PITPNA: variants seen among roughly 807,000 people sequenced by gnomAD.
The protein encoded by PITPNA is phosphatidylinositol transfer protein alpha, also known as phosphatidylinositol transfer protein alpha isoform.
PITPNA carries 13 observed loss-of-function variants against 50.3 expected under a neutral mutation model. The observed-to-expected ratio is 0.26, with a 90% CI of 0.17 to 0.41. The LOEUF (loss-of-function observed/expected upper bound fraction) is 0.41. Ranked by LOEUF, PITPNA falls within the 10% of genes least tolerant of loss-of-function variation. PITPNA has a pLI of 1.00. For synonymous variants in PITPNA, 120 were observed against 119.6 expected (o/e 1.00, Z -0.02); for missense variants, 207 against 333.4 (o/e 0.62, Z 2.95).
chr17:1,558,463 G>T (rs367648713), intron 2 of PITPNA, 66 bp downstream of exon 2: 5 of 974,368 alleles, frequency 5.1e-6, no homozygotes, highest in Non-Finnish European at 8.3e-6. Flanking sequence ...ACCACTCAGA[G>T]CCCAGCTTAG....
At chr17:1,552,972 C>A (rs773275038) in intron 3 of PITPNA, 32 bp downstream of exon 3, 6 of 1,609,938 alleles carry the variant, frequency 3.7e-6, no homozygotes, top group Non-Finnish European at 5.1e-6. Flanking sequence ...ACACAAAAGC[C>A]AGCATCCGGC....
intron 3 of PITPNA, among the ~76,000 whole-genome samples, chr17:1,550,215 T>C (rs1598411936): frequency 6.6e-6 from 1 of 150,744 alleles, no homozygotes; most frequent in South Asian, 2.1e-4. Flanking sequence ...CCTCAAGGAG[T>C]TTCCGGTCTA....
In PITPNA at chr17:1,547,014, A is replaced by C. The variant is rs145466995; in HGVS notation, c.289+1282T>G. Among the ~76,000 whole-genome samples the C allele has an allele frequency of 2.6e-4, 39 of 152,250 alleles. No individual in the cohort carries two copies. The East Asian group carries it at 7.5e-3, about 29-fold the overall frequency. On this transcript the variant is annotated intron_variant, in intron 4 of 11. Transcript: ENST00000313486. ...TAAATTAAAAAACAAAACAAAACAA[A>C]ACACCAGACACCTTAGTGACAAGGA...
At chr17:1,531,582 T>C (rs2075583913) in intron 10 of PITPNA, among the ~76,000 whole-genome samples, 1 of 151,678 alleles carries the variant, frequency 6.6e-6, no homozygotes, top group Non-Finnish European at 1.5e-5. Context: ...GCCTGGGAGT[T>C]TGAGGCTGCA....
intron 2 of PITPNA, 22 bp from the exon 3 acceptor site, chr17:1,553,171 T>C (rs1189579295): frequency 6.2e-7 from 1 of 1,613,394 alleles, no homozygotes; most frequent in South Asian, 1.1e-5. Flanking sequence ...AGACAGATGT[T>C]ATTCTCAACA....
intron 3 of PITPNA, among the ~76,000 whole-genome samples, chr17:1,552,672 GA>G (rs1399380496): frequency 1.3e-5 from 2 of 152,164 alleles, no homozygotes; most frequent in Non-Finnish European, 2.9e-5. Context: ...TAGGCATCTG[GA>G]AATGACTAGA....
intron 6 of PITPNA, among the ~76,000 whole-genome samples, chr17:1,539,876 A>T (rs2075639711): frequency 6.6e-6 from 1 of 152,244 alleles, no homozygotes; most frequent in African/African-American, 2.4e-5. Context: ...ATCTGGGATT[A>T]CAGGCGTGGG....
At chr17:1,554,534 G>A (rs1184281095) in intron 2 of PITPNA, among the ~76,000 whole-genome samples, 1 of 151,784 alleles carries the variant, frequency 6.6e-6, no homozygotes, top group African/African-American at 2.4e-5. Context: ...TGGGATTACA[G>A]GGACTGGGTT....
intron 10 of PITPNA, 103 bp downstream of exon 10, chr17:1,533,996 C>T (rs897381373): frequency 3.4e-5 from 46 of 1,366,640 alleles, no homozygotes; most frequent in Non-Finnish European, 4.5e-5. Context: ...CTGACGTGTT[C>T]CCAGAACTAC....
chr17:1,554,712 CAA>C (rs2075726838), intron 2 of PITPNA, among the ~76,000 whole-genome samples: 1 of 152,022 alleles, frequency 6.6e-6, no homozygotes, highest in Non-Finnish European at 1.5e-5. Flanking sequence ...AATTTCTGGG[CAA>C]AATCTGGAAA....
At chr17:1,544,627 A>C (rs531974639) in intron 4 of PITPNA, among the ~76,000 whole-genome samples, 1 of 152,314 alleles carries the variant, frequency 6.6e-6, no homozygotes, top group Non-Finnish European at 1.5e-5. Context: ...TCCAAATGAG[A>C]CTAATAAGGC....
chr17:1,521,787 A>C (rs1217114183), intron 10 of PITPNA, 142 bp from the exon 11 acceptor site: 4 of 677,856 alleles, frequency 5.9e-6, no homozygotes, highest in Non-Finnish European at 1.1e-5. Context: ...CTGCATATGG[A>C]CTCGAAGCCA....
At chr17:1,540,820 C>T (rs543610117) in intron 6 of PITPNA, among the ~76,000 whole-genome samples, 21 of 152,264 alleles carry the variant, frequency 1.4e-4, no homozygotes, top group South Asian at 4.1e-4. Context: ...CTCCTGACCT[C>T]GTGATCCGCC....
chr17:1,534,180 G>A lies in PITPNA; in HGVS notation c.687C>T (p.Phe229=), dbSNP rs1246702642. The change falls in exon 10 of 12, where the codon TTC becomes TTT. Residue 229 remains phenylalanine (F), a synonymous_variant. Transcript: ENST00000313486. ...GGTCAACCCACTTATCGAGCCAACA[G>A]AACAGCTGCCTGTGGAAGTTTGTAA... The part of the protein sequence containing the change: ...RLFTNFHRQL[F]CWLDKWVDLT... 1.9e-6 allele frequency: 3 copies of A among 1,613,870 alleles called. No individual in the cohort carries two copies. The highest frequency in any genetic ancestry group is 2.5e-6 in the Non-Finnish European group (3 of 1,179,840).
intron 11 of PITPNA, 71 bp downstream of exon 11, chr17:1,521,508 G>C (rs1469401615): frequency 2.0e-6 from 2 of 999,434 alleles, no homozygotes; most frequent in African/African-American, 3.2e-5. Context: ...TCCATAGTGA[G>C]CTGCTGAGGC....
chr17:1,533,751 AGCCTGCCTCCT>A (rs2075597858), intron 10 of PITPNA, among the ~76,000 whole-genome samples: 1 of 152,198 alleles, frequency 6.6e-6, no homozygotes, highest in Non-Finnish European at 1.5e-5. Flanking sequence ...AGGTCAGCCC[AGCCTGCCTCCT>A]CCCAGGGTCA....
intron 1 of PITPNA, among the ~76,000 whole-genome samples, chr17:1,560,417 C>G (rs1254493222): frequency 1.3e-5 from 2 of 152,182 alleles, no homozygotes; most frequent in African/African-American, 4.8e-5. Flanking sequence ...CTCCCCCGTC[C>G]CCCGCCCAGG....
chr17:1,526,941 G>A (rs566470209), intron 10 of PITPNA, among the ~76,000 whole-genome samples: 1 of 152,082 alleles, frequency 6.6e-6, no homozygotes, highest in South Asian at 2.1e-4. Context: ...TGTATTTTTA[G>A]TAGATGGGGT....
At chr17:1,524,076 G>A (rs1379494197) in intron 10 of PITPNA, among the ~76,000 whole-genome samples, 1 of 134,736 alleles carries the variant, frequency 7.4e-6, no homozygotes, top group Non-Finnish European at 1.5e-5. Context: ...ACGGAGTCTC[G>A]CTCAGTCACC....
Sources: allele counts gnomAD v4.1 joint callset (sites outside exome capture counted in the v4.1 genomes callset), GRCh38; gene constraint gnomAD v4.1.1; transcripts MANE v1.5; gene names NCBI Gene and HGNC (gene_info 2026-07-23, HGNC 2026-07-21).